The following WWOX variants were observed in gnomAD, a reference collection of about 807,000 sequenced individuals.
The protein encoded by WWOX is WW domain-containing oxidoreductase.
In WWOX, 69 loss-of-function variants were observed where a neutral mutation model predicts 46.2. The observed-to-expected ratio is 1.49, with a 90% confidence interval of 1.23 to 1.82. WWOX has a LOEUF of 1.82. WWOX is among the 40% of genes most tolerant of loss of function. The pLI, the probability that WWOX is intolerant of heterozygous loss-of-function variation, is 0.00. For synonymous variants in WWOX, 359 were observed against 202.6 expected, an observed-to-expected ratio of 1.77 and a Z score of -6.56; for missense variants, 919 against 542.6, an observed-to-expected ratio of 1.69 and a Z score of -6.89.
At chr16:79,002,669 C>A (rs563236717) in intron 8 of WWOX, among the ~76,000 whole-genome samples, 1 of 152,176 alleles carries the variant, frequency 6.6e-6, no homozygotes, top group African/African-American at 2.4e-5. Context: ...CTGATTTAAT[C>A]TTCACAAGCA....
At chr16:78,575,022 A>AATAT (rs1215227335) in intron 8 of WWOX, among the ~76,000 whole-genome samples, 1 of 13,998 alleles carries the variant, frequency 7.1e-5, no homozygotes, top group Non-Finnish European at 1.4e-4. Context: ...TATATATATA[A>AATAT]ATATATATAT....
intron 8 of WWOX, among the ~76,000 whole-genome samples, chr16:78,434,450 C>T (rs1481076701): frequency 6.6e-6 from 1 of 152,124 alleles, no homozygotes; most frequent in Non-Finnish European, 1.5e-5. Flanking sequence ...CTTCAGTTTA[C>T]ATGAAAAGAA....
At chr16:79,190,693 A>C (rs1405604152) in intron 8 of WWOX, among the ~76,000 whole-genome samples, 1 of 152,202 alleles carries the variant, frequency 6.6e-6, no homozygotes, top group East Asian at 1.9e-4. Context: ...TGCCAACTAC[A>C]GTTCATGGAC....
rs370841771 is a variant in WWOX, at chr16:78,937,561, C to T, written c.1057-274047C>T. Among the ~76,000 whole-genome samples, 19 of 145,078 alleles carry T rather than the reference C, an allele frequency of 1.3e-4. No homozygotes were observed. The South Asian group carries it at 4.2e-3, about 32-fold the overall frequency. On this transcript the variant is annotated intron_variant, in intron 8 of 8. Coordinates refer to ENST00000566780, the MANE Select transcript of WWOX (RefSeq NM_016373.4). ...CTGCCTTGCTTGGCTTCCCAAAGTGCTGCGATTACAGGCATCTGCCACCGT... is the reference window on the plus strand; with the variant it reads ...CTGCCTTGCTTGGCTTCCCAAAGTGTTGCGATTACAGGCATCTGCCACCGT...
chr16:78,429,233 G>C (rs2083160045), intron 7 of WWOX, among the ~76,000 whole-genome samples: 1 of 152,204 alleles, frequency 6.6e-6, no homozygotes, highest in African/African-American at 2.4e-5. Context: ...TGTACAGATA[G>C]AACAGAAGGA....
chr16:78,434,538 T>C (rs1722371377), intron 8 of WWOX, among the ~76,000 whole-genome samples: 1 of 152,210 alleles, frequency 6.6e-6, no homozygotes, highest in African/African-American at 2.4e-5. Flanking sequence ...AGGTGGATTC[T>C]TCCTTATTTT....
chr16:78,733,394 G>T (rs1411094856), intron 8 of WWOX, among the ~76,000 whole-genome samples: 1 of 151,996 alleles, frequency 6.6e-6, no homozygotes, highest in Non-Finnish European at 1.5e-5. Flanking sequence ...GGTTGAGGCT[G>T]CAGTGAGCTA....
intron 8 of WWOX, among the ~76,000 whole-genome samples, chr16:78,833,179 C>G (rs1190021841): frequency 1.3e-5 from 2 of 152,076 alleles, no homozygotes; most frequent in South Asian, 2.1e-4. Flanking sequence ...GTATCTGGGA[C>G]TACAAGCATG....
chr16:78,972,916 T>C (rs1416686454), intron 8 of WWOX, among the ~76,000 whole-genome samples: 1 of 152,144 alleles, frequency 6.6e-6, no homozygotes, highest in Admixed American at 6.5e-5. Context: ...CGCTGGAGCC[T>C]CCCGACCGAA....
chr16:79,146,255 T>C (rs1567580993), intron 8 of WWOX, among the ~76,000 whole-genome samples: 1 of 152,210 alleles, frequency 6.6e-6, no homozygotes, highest in East Asian at 1.9e-4. Context: ...TTATTTCTTA[T>C]CAATAGGTCC....
At chr16:78,803,869 C>A (rs987162048) in intron 8 of WWOX, among the ~76,000 whole-genome samples, 2 of 152,138 alleles carry the variant, frequency 1.3e-5, no homozygotes, top group Admixed American at 1.3e-4. Context: ...AAATTGAGTA[C>A]TGCTTCGTTT....
intron 5 of WWOX, among the ~76,000 whole-genome samples, chr16:78,334,109 C>A (rs929467128): frequency 2.0e-5 from 3 of 152,174 alleles, no homozygotes; most frequent in African/African-American, 7.2e-5. Context: ...CCCCTTTACT[C>A]ACACTATAAA....
At chr16:79,025,310 G>T (rs1373794433) in intron 8 of WWOX, among the ~76,000 whole-genome samples, 1 of 152,160 alleles carries the variant, frequency 6.6e-6, no homozygotes, top group South Asian at 2.1e-4. Context: ...GTTCGATTTA[G>T]TGGTGGCTCC....
rs117639913 is a variant in WWOX at position 78,672,184 on chromosome 16, C to G, written c.1056+239432C>G. ...ATGTCAGATTTAATTAAATCCATGA[C>G]CAGAAGACAAACCCAAAGGAAATTT... is the stretch of plus-strand genomic sequence containing the variant. On this transcript the variant is annotated intron_variant, in intron 8 of 8. Coordinates refer to ENST00000566780, the MANE Select transcript of WWOX (RefSeq NM_016373.4). Among the ~76,000 whole-genome samples, 312 of 152,218 alleles carry G rather than the reference C, an allele frequency of 2.0e-3. 1 individual carries two copies. The highest frequency in any genetic ancestry group is 3.2e-3 in the Non-Finnish European group (215 of 68,010).
chr16:78,542,689 T>C (rs2043927297), intron 8 of WWOX, among the ~76,000 whole-genome samples: 1 of 152,204 alleles, frequency 6.6e-6, no homozygotes, highest in Non-Finnish European at 1.5e-5. Flanking sequence ...GAAACACATA[T>C]TAAATAGACA....
chr16:78,491,046 A>G lies in WWOX; in HGVS notation c.1056+58294A>G, dbSNP rs1297247848. On this transcript the variant is annotated intron_variant, in intron 8 of 8. Transcript: ENST00000566780. ...CTTGGCCAACTTCATGCTTCAGCCA[A>G]AGTGAACTGAGCTCACCAGGCTGAG... 2.6e-5 allele frequency among the ~76,000 whole-genome samples: 4 copies of G among 152,102 alleles called. 1 individual carries two copies. Among genetic ancestry groups the G allele is most frequent in the African/African-American group, 9.7e-5 (4 of 41,442 alleles).
At chr16:79,165,662 C>T (rs781242596) in intron 8 of WWOX, among the ~76,000 whole-genome samples, 14 of 152,126 alleles carry the variant, frequency 9.2e-5, no homozygotes, top group Non-Finnish European at 1.6e-4. Context: ...GCTGGTTTTA[C>T]GCAGAGAAGT....
intron 8 of WWOX, among the ~76,000 whole-genome samples, chr16:78,530,977 T>C (rs139631533): frequency 1.3e-3 from 198 of 152,346 alleles, no homozygotes; most frequent in African/African-American, 4.6e-3. Flanking sequence ...AGAATTGATA[T>C]TACTCTGCAA....
intron 8 of WWOX, among the ~76,000 whole-genome samples, chr16:79,082,711 C>T (rs74352389): frequency 1.4e-3 from 218 of 152,286 alleles, no homozygotes; most frequent in Non-Finnish European, 2.5e-3. Context: ...GTGCAGTTCC[C>T]AGGGCAGGTG....
Sources: allele counts gnomAD v4.1 joint callset (sites outside exome capture counted in the v4.1 genomes callset), GRCh38; gene constraint gnomAD v4.1.1; transcripts MANE v1.5; gene names NCBI Gene and HGNC (gene_info 2026-07-23, HGNC 2026-07-21).